TTN: variants seen among roughly 807,000 people sequenced by gnomAD.
The protein encoded by TTN is titin, also known as connectin.
TTN carries 1,525 observed loss-of-function variants against 3,223.0 expected under a neutral mutation model. The observed-to-expected ratio is 0.47, with a 90% CI of 0.45 to 0.49. The LOEUF (loss-of-function observed/expected upper bound fraction) is 0.49. Among genes scored for constraint, TTN ranks in the 20% least tolerant of loss-of-function variants. The pLI is 0.00. For synonymous variants in TTN, 14,094 were observed against 15,161.0 expected, an observed-to-expected ratio of 0.93 and a Z score of 5.17; for missense variants, 40,786 against 43,424.0, an observed-to-expected ratio of 0.94 and a Z score of 5.40.
At chr2:178,771,575 T>TTGA in intron 33 of TTN, 104 bp from the exon 34 acceptor site, 6 of 1,512,154 alleles carry the variant, frequency 4.0e-6, no homozygotes, top group Non-Finnish European at 5.5e-6. Flanking sequence ...GAACATGATT[T>TTGA]TGAAATCATG....
chr2:178,616,554 A>G lies in TTN; in HGVS notation c.48237T>C (p.Pro16079=). 1 of 1,612,424 alleles carries G rather than the reference A, an allele frequency of 6.2e-7. No homozygotes were observed. Among genetic ancestry groups the G allele is most frequent in the African/African-American group, 1.3e-5 (1 of 74,908 alleles). Residue 16079 remains proline (P), a synonymous_variant, in exon 257 of 363, where the codon CCT becomes CCC. Coordinates refer to ENST00000589042, the MANE Select transcript of TTN (RefSeq NM_001267550.2). ...TTAACGGACTTCCTCCATCATCATC[A>G]GGTGGTTCCCAAGTCAAATGTACTG... ...KDSVHLTWEP[P]DDDGGSPLTG...
rs760630783 is a variant in TTN at position 178,607,697 on chromosome 2, G to C, written c.53003-12C>G. On this transcript the variant is annotated splice_polypyrimidine_tract_variant and intron_variant, in intron 276 of 362. Coordinates refer to ENST00000589042, the MANE Select transcript of TTN (RefSeq NM_001267550.2). ...CACAGCTGGAGGCTCTGTTGAAAGA[G>C]AACAGTCATGCATTAGCCCATGAAA... 6.2e-7 allele frequency: 1 copy of C among 1,612,648 alleles called. No individual in the cohort carries two copies. The highest frequency in any genetic ancestry group is 1.3e-5 in the African/African-American group (1 of 74,952).
intron 46 of TTN, among the ~76,000 whole-genome samples, 177 bp downstream of exon 46, chr2:178,756,045 A>T (rs1282505876): frequency 6.6e-6 from 1 of 152,218 alleles, no homozygotes; most frequent in Non-Finnish European, 1.5e-5. Flanking sequence ...TGGTAAGTTA[A>T]ATTTTCAGGA....
In TTN at chr2:178,773,581, T is replaced by G; in HGVS notation, c.7475A>C (p.Gln2492Pro). The change falls in exon 32 of 363, where the codon CAG (glutamine) becomes CCG (proline). Residue 2492 changes from glutamine to proline, a missense_variant. Coordinates refer to ENST00000589042, the MANE Select transcript of TTN (RefSeq NM_001267550.2). ...DEQIKPDDRV[Q>P]AIVKGTKQRL... ...CTGTTTAGTACCTTTCACAATGGCC[T>G]GTACACGGTCATCAGGCTTGATTTG... 6.2e-7 allele frequency: 1 copy of G among 1,614,082 alleles called. No homozygotes were observed. The highest frequency in any genetic ancestry group is 1.3e-5 in the African/African-American group (1 of 75,038).
chr2:178,757,231 T>TACTGCACTTGCTTTAAGTA (rs1252574568), intron 45 of TTN, among the ~76,000 whole-genome samples: 2 of 148,874 alleles, frequency 1.3e-5, no homozygotes, highest in Non-Finnish European at 3.0e-5. Flanking sequence ...TAAGTAATAA[T>TACTGCACTTGCTTTAAGTA]CAGCAAATAG....
At chr2:178,747,179 G>A in intron 47 of TTN, 1 of 1,610,612 alleles carries the variant, frequency 6.2e-7, no homozygotes, top group Non-Finnish European at 8.5e-7. Context: ...TGGGGGTGTG[G>A]AGTATCTCTC....
At chr2:178,655,252 C>G (rs1265133050) in intron 189 of TTN, among the ~76,000 whole-genome samples, 2 of 139,678 alleles carry the variant, frequency 1.4e-5, no homozygotes, top group Non-Finnish European at 3.0e-5. Context: ...GCTAAAGACT[C>G]TCAATAAATT....
chr2:178,718,650 TAAGAG>T lies in TTN; in HGVS notation c.24505+40_24505+44del, dbSNP rs769145394. ...AAATTCTTGCCTTCTAATGAAGACT[TAAGAG>T]AAATTTTAAAAGATGTATATATTGG... is the stretch of plus-strand genomic sequence containing the variant. On this transcript the variant is annotated intron_variant, in intron 84 of 362. Coordinates refer to ENST00000589042, the MANE Select transcript of TTN (RefSeq NM_001267550.2). The T allele has an allele frequency of 1.9e-6, 3 of 1,603,330 alleles. No individual in the cohort carries two copies. In the South Asian group the frequency reaches 3.3e-5, roughly 18 times the overall value.
rs2076598524 is a variant in TTN at position 178,711,158 on chromosome 2, T to C, written c.28078A>G (p.Ile9360Val). The change falls in exon 97 of 363, where the codon ATT becomes GTT. Residue 9360 changes from isoleucine (I) to valine (V), a missense_variant. Physicochemically the swap from Ile to Val is conservative, Grantham distance 29 (BLOSUM62 3). Transcript: ENST00000589042. ...GCAAGGCTCCGGTCAGTTTTAAAAA[T>C]ATTGAGTGTGGCTGTATTGTCTAAA... ...SFLDNTATLNIFKTDRSLAGQ... is the reference protein window; with the variant it reads ...SFLDNTATLNVFKTDRSLAGQ... 6.2e-6 allele frequency: 10 copies of C among 1,613,906 alleles called. No homozygotes were observed. The highest frequency in any genetic ancestry group is 8.5e-6 in the Non-Finnish European group (10 of 1,179,814).
At position 178,604,055 on chromosome 2, in the gene TTN, G is replaced by C. The variant is rs764772164; in HGVS notation, c.54632C>G (p.Pro18211Arg). The C allele has an allele frequency of 1.7e-5, 27 of 1,612,754 alleles. No individual in the cohort carries two copies. Among genetic ancestry groups the C allele is most frequent in the Non-Finnish European group, 2.2e-5 (26 of 1,179,188 alleles). Residue 18211 changes from proline (P) to arginine (R), a missense_variant, in exon 282 of 363, where the codon CCT becomes CGT. Physicochemically the swap from Pro to Arg is moderately radical, Grantham distance 103. Transcript: ENST00000589042. ...YWLEKREEGSPYWSRVSRAPI... is the reference protein window; with the variant it reads ...YWLEKREEGSRYWSRVSRAPI... ...TGCTCGGCTAACACGTGACCAATAA[G>C]GACTTCCCTCTTCTCTTTTCTCCAG...
rs1177698490 is a variant in TTN at position 178,604,217 on chromosome 2, T to C, written c.54470A>G (p.Lys18157Arg). Residue 18157 changes from lysine to arginine, a missense_variant, in exon 282 of 363, where the codon AAA (lysine) becomes AGA (arginine). Physicochemically the swap from Lys to Arg is conservative, Grantham distance 26. Transcript: ENST00000589042. The part of the protein sequence containing the change: ...YGISDECKSD[K>R]VVIQDPYRLP... ...GCGATAAGGATCTTGAATGACTACT[T>C]TATCTGATTTGCACTCATCACTGAT... 1 of 1,610,126 alleles carries C rather than the reference T, an allele frequency of 6.2e-7. No homozygotes were observed. The highest frequency in any genetic ancestry group is 1.7e-5 in the Admixed American group (1 of 59,728).
rs2094222034 is a variant in TTN at position 178,804,524 on chromosome 2, A to T, written c.91+28T>A. ...ACTGGAGAGGAGGCAAAGGAAAAAAAAACAAAAGTGTGAATGTGTGAGCTT... is the reference window on the plus strand; with the variant it reads ...ACTGGAGAGGAGGCAAAGGAAAAAATAACAAAAGTGTGAATGTGTGAGCTT... On this transcript the variant is annotated intron_variant, in intron 2 of 362. Coordinates refer to ENST00000589042, the MANE Select transcript of TTN (RefSeq NM_001267550.2). The T allele has an allele frequency of 3.1e-6, 5 of 1,611,536 alleles. 1 individual carries two copies. The Admixed American group carries it at 8.3e-5, about 27-fold the overall frequency.
chr2:178,732,801 TA>T lies in TTN; in HGVS notation c.16342+32del, dbSNP rs1190590406. ...GATGACTTAATTTGAACATAATCTT[TA>T]ATAAGGATAAAATGCAAAGTCTCCA... On this transcript the variant is annotated intron_variant, in intron 55 of 362. Coordinates refer to ENST00000589042, the MANE Select transcript of TTN (RefSeq NM_001267550.2). The T allele has an allele frequency of 5.1e-6, 8 of 1,579,480 alleles. No homozygotes were observed. The East Asian group carries it at 1.8e-4, about 36-fold the overall frequency.
chr2:178,530,298 A>C lies in TTN; in HGVS notation c.106317T>G (p.Phe35439Leu). The change falls in exon 358 of 363, where the codon TTT becomes TTG. Residue 35439 changes from phenylalanine to leucine, a missense_variant. Phe to Leu is a conservative substitution (Grantham distance 22). Transcript: ENST00000589042. ...GGGGTTCTCCAGTAGCCTTAACTGC[A>C]AATTTAGCAACACTGTCTGAAGAAA... ...TTVSSDSVAK[F>L]AVKATGEPRP... 1.2e-6 allele frequency: 2 copies of C among 1,613,356 alleles called. No homozygotes were observed. Among genetic ancestry groups the C allele is most frequent in the Non-Finnish European group, 1.7e-6 (2 of 1,179,378 alleles).
At chr2:178,715,382 G>T in intron 89 of TTN, 111 bp downstream of exon 89, 1 of 1,512,380 alleles carries the variant, frequency 6.6e-7, no homozygotes, top group Admixed American at 2.3e-5. Context: ...TCAATTCTTT[G>T]TTGTGTCCTT....
chr2:178,664,741 T>C lies in TTN; in HGVS notation c.36119-4A>G, dbSNP rs894776408. 1 of 1,612,286 alleles carries C rather than the reference T, an allele frequency of 6.2e-7. No individual in the cohort carries two copies. On this transcript the variant is annotated splice_region_variant and splice_polypyrimidine_tract_variant and intron_variant, in intron 166 of 362. Coordinates refer to ENST00000589042, the MANE Select transcript of TTN (RefSeq NM_001267550.2). ...ATTTCTTGGAGAGCTTCAGGCACTT[T>C]AAGAAATTAGTAGTTTTATGTTTAG... is the stretch of plus-strand genomic sequence containing the variant.
At chr2:178,745,048 A>G in intron 47 of TTN, 1 of 987,148 alleles carries the variant, frequency 1.0e-6, no homozygotes, top group Non-Finnish European at 1.2e-6. Flanking sequence ...TTAGTTGCCA[A>G]TTGGGAGAAG....
rs1561295980 is a variant in TTN, at chr2:178,776,763, G to T, written c.5101C>A (p.Gln1701Lys). The change falls in exon 28 of 363, where the codon CAG (glutamine) becomes AAG (lysine). Residue 1701 changes from glutamine (Q) to lysine (K), a missense_variant. Gln to Lys is a moderately conservative substitution (Grantham distance 53). Coordinates refer to ENST00000589042, the MANE Select transcript of TTN (RefSeq NM_001267550.2). ...AGTTTTTTCTTGAAAAATGGTTTCT[G>T]TTGTTTCTCTTTGTCATAGAGATCA... is the stretch of plus-strand genomic sequence containing the variant. ...EGDLYDKEKQ[Q>K]KPFFKKKLTS... The T allele has an allele frequency of 6.2e-7, 1 of 1,614,088 alleles. No homozygotes were observed. Among genetic ancestry groups the T allele is most frequent in the Non-Finnish European group, 8.5e-7 (1 of 1,180,002 alleles).
In TTN at chr2:178,652,854, C is replaced by A; in HGVS notation, c.38953G>T (p.Val12985Phe). 6.2e-7 allele frequency: 1 copy of A among 1,611,200 alleles called. No individual in the cohort carries two copies. Among genetic ancestry groups the A allele is most frequent in the Non-Finnish European group, 8.5e-7 (1 of 1,178,954 alleles). Reference protein sequence around the residue: ...APPKKPEVPPVKVPEAPKEVV... With the variant: ...APPKKPEVPPFKVPEAPKEVV... ...TAAAGCCAGTGACAAATACCTTTAA[C>A]AGGAGGGACTTCAGGCTTTTTAGGA... The change falls in exon 200 of 363, where the codon GTT becomes TTT. Residue 12985 changes from valine to phenylalanine, a missense_variant. Transcript: ENST00000589042.
Sources: allele counts gnomAD v4.1 joint callset (sites outside exome capture counted in the v4.1 genomes callset), GRCh38; gene constraint gnomAD v4.1.1; transcripts MANE v1.5; gene names NCBI Gene and HGNC (gene_info 2026-07-23, HGNC 2026-07-21).